Variants in PPP1R12A observed in about 807,000 individuals in gnomAD.
The protein encoded by PPP1R12A is protein phosphatase 1 regulatory subunit 12A, also known as myosin binding subunit.
In PPP1R12A, 19 loss-of-function variants were observed where a neutral mutation model predicts 139.6. That is an observed-to-expected ratio of 0.14 (90% CI 0.09 to 0.20). The LOEUF is 0.20. Among genes scored for constraint, PPP1R12A ranks in the 10% least tolerant of loss-of-function variants. The pLI is 1.00. For missense variants in PPP1R12A, 925 were observed against 1,211.5 expected, an observed-to-expected ratio of 0.76 and a Z score of 3.51; for synonymous variants, 427 against 420.6, an observed-to-expected ratio of 1.02 and a Z score of -0.19.
chr12:79,871,576 TAAAC>T (rs1882572096), intron 2 of PPP1R12A, among the ~76,000 whole-genome samples: 1 of 152,152 alleles, frequency 6.6e-6, no homozygotes, highest in South Asian at 2.1e-4. Flanking sequence ...CTAGAAAAGT[TAAAC>T]AACTTGCCAA....
At chr12:79,908,721 A>C (rs1377203215) in intron 1 of PPP1R12A, among the ~76,000 whole-genome samples, 2 of 152,256 alleles carry the variant, frequency 1.3e-5, no homozygotes, top group Non-Finnish European at 2.9e-5. Flanking sequence ...AAGACCTGTG[A>C]CCAGCTAGTT....
At chr12:79,925,602 T>C (rs1444582138) in intron 1 of PPP1R12A, among the ~76,000 whole-genome samples, 1 of 152,224 alleles carries the variant, frequency 6.6e-6, no homozygotes, top group African/African-American at 2.4e-5. Context: ...CTTTCACTTC[T>C]TTCCATGGTT....
chr12:79,782,869 C>A (rs1470510122), intron 22 of PPP1R12A, among the ~76,000 whole-genome samples: 1 of 152,174 alleles, frequency 6.6e-6, no homozygotes, highest in Non-Finnish European at 1.5e-5. Context: ...TGATTAAACA[C>A]AATTTCACTG....
chr12:79,892,039 G>A (rs1373159621), intron 1 of PPP1R12A, among the ~76,000 whole-genome samples: 2 of 152,080 alleles, frequency 1.3e-5, no homozygotes, highest in Non-Finnish European at 2.9e-5. Flanking sequence ...TAAGTTTGGG[G>A]GTAATCTACT....
At chr12:79,829,219 T>C (rs538262734) in intron 4 of PPP1R12A, among the ~76,000 whole-genome samples, 1 of 152,262 alleles carries the variant, frequency 6.6e-6, no homozygotes. Flanking sequence ...GATGGGTCTA[T>C]AAACTGCACA....
At chr12:79,920,118 A>AT (rs1202165960) in intron 1 of PPP1R12A, among the ~76,000 whole-genome samples, 1 of 152,208 alleles carries the variant, frequency 6.6e-6, no homozygotes, top group Non-Finnish European at 1.5e-5. Context: ...TATAAATGGA[A>AT]TCATACACCA....
chr12:79,870,500 G>A (rs958361596), intron 2 of PPP1R12A, among the ~76,000 whole-genome samples: 1 of 152,138 alleles, frequency 6.6e-6, no homozygotes, highest in African/African-American at 2.4e-5. Flanking sequence ...GAGTTAAACT[G>A]CCTTTTATAA....
intron 1 of PPP1R12A, among the ~76,000 whole-genome samples, chr12:79,888,951 T>C (rs1393807100): frequency 6.6e-6 from 1 of 152,206 alleles, no homozygotes; most frequent in Admixed American, 6.5e-5. Flanking sequence ...TGCAATTTCA[T>C]TCTAGGAATT....
At chr12:79,804,780 C>T (rs532004786) in intron 14 of PPP1R12A, among the ~76,000 whole-genome samples, 32 of 151,846 alleles carry the variant, frequency 2.1e-4, no homozygotes, top group Non-Finnish European at 2.5e-4. Flanking sequence ...CATAATATAG[C>T]AGAAAGAACT....
At chr12:79,807,604 G>A (rs565831637) in intron 11 of PPP1R12A, among the ~76,000 whole-genome samples, 17 of 151,442 alleles carry the variant, frequency 1.1e-4, no homozygotes, top group Non-Finnish European at 1.0e-4. Flanking sequence ...TACTTTAACC[G>A]CAGAAGATCT....
intron 2 of PPP1R12A, among the ~76,000 whole-genome samples, chr12:79,863,130 C>T (rs901382213): frequency 2.0e-5 from 3 of 152,116 alleles, no homozygotes; most frequent in Non-Finnish European, 4.4e-5. Context: ...TGGCAGAAAC[C>T]CTAGAAGCCA....
intron 4 of PPP1R12A, among the ~76,000 whole-genome samples, chr12:79,830,574 TAC>T (rs1211264195): frequency 6.6e-6 from 1 of 152,228 alleles, no homozygotes; most frequent in Non-Finnish European, 1.5e-5. Context: ...TTGTCATTTC[TAC>T]TAGTAAGAGT....
intron 11 of PPP1R12A, among the ~76,000 whole-genome samples, chr12:79,808,093 C>T (rs951762043): frequency 1.1e-4 from 17 of 150,968 alleles, no homozygotes; most frequent in African/African-American, 4.1e-4. Flanking sequence ...ATTCTATAAG[C>T]TGAAAAACAG....
Position 79,934,906 on chromosome 12 carries a change from T to C in PPP1R12A, c.26A>G (p.Lys9Arg), listed in dbSNP as rs758976285. 6.2e-7 allele frequency: 1 copy of C among 1,603,910 alleles called. No homozygotes were observed. The highest frequency in any genetic ancestry group is 8.5e-7 in the Non-Finnish European group (1 of 1,175,194). Residue 9 changes from lysine (K) to arginine (R), a missense_variant, in exon 1 of 25, where the codon AAG becomes AGG. This residue lies in a region of PPP1R12A where 199 missense variants were observed against 352.4 expected (regional missense o/e 0.56). Coordinates refer to ENST00000450142, the MANE Select transcript of PPP1R12A (RefSeq NM_002480.3). MKMADAKQKRNEQLKRWIG... is the reference protein window; with the variant it reads MKMADAKQRRNEQLKRWIG... ...CCAGCGTTTCAGCTGCTCGTTCCGC[T>C]TCTGCTTCGCGTCCGCCATCTTCAT... is the stretch of plus-strand genomic sequence containing the variant.
At chr12:79,796,522 C>T (rs533011263) in intron 17 of PPP1R12A, among the ~76,000 whole-genome samples, 10 of 152,138 alleles carry the variant, frequency 6.6e-5, no homozygotes, top group African/African-American at 1.4e-4. Flanking sequence ...CCCACCAGTT[C>T]GATATTAACT....
At chr12:79,776,891 AT>A (rs1443573276) in intron 24 of PPP1R12A, among the ~76,000 whole-genome samples, 1 of 152,164 alleles carries the variant, frequency 6.6e-6, no homozygotes, top group Non-Finnish European at 1.5e-5. Flanking sequence ...AGTTTTCAAA[AT>A]GTATTAGTTT....
chr12:79,833,267 C>CA (rs1174586614), intron 3 of PPP1R12A, among the ~76,000 whole-genome samples: 2 of 150,852 alleles, frequency 1.3e-5, no homozygotes, highest in Middle Eastern at 3.2e-3. Flanking sequence ...CACCCTGTCT[C>CA]AAAAAACAAA....
In PPP1R12A at chr12:79,776,112, G is replaced by A. The variant is rs547789066; in HGVS notation, c.3007-97C>T. On this transcript the variant is annotated intron_variant, in intron 24 of 24. Coordinates refer to ENST00000450142, the MANE Select transcript of PPP1R12A (RefSeq NM_002480.3). Reference sequence around the variant, plus strand: ...GTTATATTTTCACCACAAAACACATGATCAAGCTTTGTCAGTTATATATAT... The same window carrying A: ...GTTATATTTTCACCACAAAACACATAATCAAGCTTTGTCAGTTATATATAT... The A allele has an allele frequency of 1.5e-4, 113 of 745,226 alleles. No homozygotes were observed. The African/African-American group carries it at 1.8e-3, about 12-fold the overall frequency. The allele number at this position is 745,226 out of a possible 1,614,324, so 46.2% of individuals were successfully genotyped here.
chr12:79,796,281 G>A (rs1349978463), intron 17 of PPP1R12A, among the ~76,000 whole-genome samples: 4 of 151,900 alleles, frequency 2.6e-5, no homozygotes, highest in Non-Finnish European at 5.9e-5. Context: ...TAAAATAATA[G>A]GAAATGGTAA....
Sources: gnomAD v4.1 joint callset for allele counts (sites outside exome capture counted in the v4.1 genomes callset) on GRCh38, gnomAD v4.1.1 for gene constraint, gnomAD v4.1.1 regional missense constraint, MANE v1.5 for transcripts, NCBI Gene and HGNC (gene_info 2026-07-23, HGNC 2026-07-21) for gene names.